The following LINGO2 variants were observed in gnomAD, a reference collection of about 807,000 sequenced individuals.
The protein encoded by LINGO2 is leucine rich repeat and Ig domain containing 2.
A neutral mutation model predicts 30.6 loss-of-function variants in LINGO2; 14 were observed. The observed-to-expected ratio is 0.46, with a 90% CI of 0.30 to 0.72. The LOEUF (loss-of-function observed/expected upper bound fraction) is 0.72. Among genes scored for constraint, LINGO2 ranks in the 30% least tolerant of loss-of-function variants. The pLI, the probability that LINGO2 is intolerant of heterozygous loss-of-function variation, is 0.07. For missense variants in LINGO2, 729 were observed against 751.7 expected (o/e 0.97, Z 0.35); for synonymous variants, 317 against 288.5 (o/e 1.10, Z -1.00).
intron 2 of LINGO2, among the ~76,000 whole-genome samples, chr9:28,380,403 T>TC (rs1554713846): frequency 2.0e-5 from 3 of 150,368 alleles, no homozygotes; most frequent in Non-Finnish European, 4.4e-5. Context: ...TTTTTTTTTT[T>TC]CCAATGGTAA....
intron 1 of LINGO2, among the ~76,000 whole-genome samples, chr9:28,603,825 AT>A (rs1234829577): frequency 6.6e-6 from 1 of 152,028 alleles, no homozygotes; most frequent in Admixed American, 6.6e-5. Context: ...TAACCCAGCA[AT>A]ATCTCCAACA....
chr9:27,972,879 C>T (rs969451374), intron 5 of LINGO2, among the ~76,000 whole-genome samples: 1 of 152,188 alleles, frequency 6.6e-6, no homozygotes, highest in Non-Finnish European at 1.5e-5. Flanking sequence ...ACACTTGAAT[C>T]AGTAGGCCAA....
chr9:29,052,821 T>C, the LINGO2 span, among the ~76,000 whole-genome samples: 5 of 152,164 alleles, frequency 3.3e-5, no homozygotes, highest in Non-Finnish European at 5.9e-5. Flanking sequence ...AGCTGGTATC[T>C]GACCAACCAT....
chr9:27,949,238 G>A lies in LINGO2; in HGVS notation c.1434C>T (p.Ser478=), dbSNP rs757019380. Reference sequence around the variant, plus strand: ...TGCTAGCGATGCAAACATACATCCCGCTGTCTTGATCCTGGGCAAAGCGGA... The same window carrying A: ...TGCTAGCGATGCAAACATACATCCCACTGTCTTGATCCTGGGCAAAGCGGA... Residue 478 remains serine (S), a synonymous_variant, in exon 6 of 6, where the codon AGC becomes AGT. Coordinates refer to ENST00000379992, the Ensembl canonical transcript of LINGO2. 42 of 1,613,892 alleles carry A rather than the reference G, an allele frequency of 2.6e-5. No homozygotes were observed. In the South Asian group the frequency reaches 3.0e-4, roughly 11 times the overall value.
the LINGO2 span, among the ~76,000 whole-genome samples, chr9:29,045,589 A>G: frequency 1.3e-5 from 2 of 151,934 alleles, no homozygotes; most frequent in African/African-American, 4.8e-5. Context: ...TGATTAAAAA[A>G]AAAAAAACCC....
chr9:29,083,592 AAAG>A, the LINGO2 span, among the ~76,000 whole-genome samples: 1 of 151,982 alleles, frequency 6.6e-6, no homozygotes, highest in East Asian at 1.9e-4. Context: ...ATAATAAAAA[AAAG>A]AAGAATGCAC....
the LINGO2 span, among the ~76,000 whole-genome samples, chr9:29,016,386 T>C: frequency 6.6e-6 from 1 of 152,178 alleles, no homozygotes; most frequent in Non-Finnish European, 1.5e-5. Flanking sequence ...GTCAAGTGAC[T>C]GCTTGTGGGC....
At chr9:29,001,119 G>C in the LINGO2 span, among the ~76,000 whole-genome samples, 19 of 152,018 alleles carry the variant, frequency 1.2e-4, no homozygotes, top group South Asian at 3.5e-3. Context: ...GTGAGAGAGA[G>C]AGAGAAGTAG....
At chr9:28,746,920 T>A in the LINGO2 span, among the ~76,000 whole-genome samples, 3 of 151,812 alleles carry the variant, frequency 2.0e-5, no homozygotes, top group Non-Finnish European at 4.4e-5. Context: ...GACTTCAGAG[T>A]TATAATGAGG....
At chr9:28,495,767 A>G (rs1237159826) in intron 1 of LINGO2, among the ~76,000 whole-genome samples, 2 of 152,068 alleles carry the variant, frequency 1.3e-5, no homozygotes, top group African/African-American at 4.8e-5. Context: ...TCAATTTTAG[A>G]TATTTCCTGC....
At chr9:29,130,664 C>G in the LINGO2 span, among the ~76,000 whole-genome samples, 34 of 152,094 alleles carry the variant, frequency 2.2e-4, no homozygotes, top group Admixed American at 2.1e-3. Flanking sequence ...TAACCTGGAA[C>G]AATTTTAGCA....
At chr9:28,422,317 G>A (rs1222270856) in intron 2 of LINGO2, among the ~76,000 whole-genome samples, 1 of 151,972 alleles carries the variant, frequency 6.6e-6, no homozygotes, top group Non-Finnish European at 1.5e-5. Flanking sequence ...CAACTCAACA[G>A]CAACAACAAA....
intron 1 of LINGO2, among the ~76,000 whole-genome samples, chr9:28,515,130 GAC>G (rs934811401): frequency 2.0e-4 from 31 of 151,976 alleles, no homozygotes; most frequent in African/African-American, 7.5e-4. Flanking sequence ...CTTGCCTGCA[GAC>G]ACAACATCCA....
intron 4 of LINGO2, among the ~76,000 whole-genome samples, chr9:28,136,212 G>A (rs932147127): frequency 6.6e-6 from 1 of 152,314 alleles, no homozygotes. Context: ...TGAGGCTAAT[G>A]GTGGTAGTGG....
the LINGO2 span, among the ~76,000 whole-genome samples, chr9:28,758,361 A>G: frequency 1.3e-5 from 2 of 152,078 alleles, no homozygotes; most frequent in Non-Finnish European, 2.9e-5. Flanking sequence ...TTTTAAATTC[A>G]TTTTGTATTA....
intron 3 of LINGO2, among the ~76,000 whole-genome samples, chr9:28,335,176 A>T (rs1161408462): frequency 6.6e-6 from 1 of 152,142 alleles, no homozygotes; most frequent in Non-Finnish European, 1.5e-5. Context: ...GAGGCTTAGG[A>T]GGGAGAGCTG....
At chr9:28,600,824 A>G (rs1825431414) in intron 1 of LINGO2, among the ~76,000 whole-genome samples, 1 of 152,084 alleles carries the variant, frequency 6.6e-6, no homozygotes, top group Admixed American at 6.6e-5. Context: ...TCTTTCTCAA[A>G]GTCTTGTTTT....
chr9:28,399,044 A>T (rs1822161642), intron 2 of LINGO2, among the ~76,000 whole-genome samples: 2 of 152,186 alleles, frequency 1.3e-5, no homozygotes, highest in African/African-American at 2.4e-5. Context: ...AGCTTTGGGG[A>T]GTTTGGCAGC....
At chr9:28,333,680 G>A (rs933057355) in intron 3 of LINGO2, among the ~76,000 whole-genome samples, 1 of 152,064 alleles carries the variant, frequency 6.6e-6, no homozygotes, top group Non-Finnish European at 1.5e-5. Context: ...TATTTTTAAT[G>A]AACTTTCAAA....
Sources: gnomAD v4.1 joint callset for allele counts (sites outside exome capture counted in the v4.1 genomes callset) on GRCh38, gnomAD v4.1.1 for gene constraint, MANE v1.5 for transcripts, NCBI Gene and HGNC (gene_info 2026-07-23, HGNC 2026-07-21) for gene names.